SGCZ: variants seen among roughly 807,000 people sequenced by gnomAD.
The protein encoded by SGCZ is sarcoglycan zeta, also known as zeta-sarcoglycan.
In SGCZ, 40 loss-of-function variants were observed where a neutral mutation model predicts 41.3. The observed-to-expected ratio is 0.97, with a 90% CI of 0.75 to 1.26. SGCZ has a LOEUF of 1.26. Among genes scored for constraint, SGCZ ranks in the 50% most tolerant of loss-of-function variants. The probability of loss-of-function intolerance (pLI) is 0.00; values close to 1 mark genes in which losing one functional copy is unlikely to be tolerated. For synonymous variants in SGCZ, 206 were observed against 137.5 expected (o/e 1.50, Z -3.49); for missense variants, 552 against 369.8 (o/e 1.49, Z -4.04).
chr8:14,436,893 TAG>T (rs1031677757), intron 2 of SGCZ, among the ~76,000 whole-genome samples: 2 of 152,190 alleles, frequency 1.3e-5, no homozygotes, highest in African/African-American at 2.4e-5. Context: ...GGGATTTTAT[TAG>T]AAATTTTCTA....
chr8:15,166,598 T>C (rs1012993522), intron 1 of SGCZ, among the ~76,000 whole-genome samples: 2 of 152,172 alleles, frequency 1.3e-5, no homozygotes, highest in Non-Finnish European at 2.9e-5. Context: ...CTAATATATA[T>C]TGCAAACTTA....
At chr8:15,000,181 G>A (rs1033954322) in intron 1 of SGCZ, among the ~76,000 whole-genome samples, 2 of 152,146 alleles carry the variant, frequency 1.3e-5, no homozygotes, top group African/African-American at 4.8e-5. Flanking sequence ...TCCAAGTCAA[G>A]GAGAGAGTCC....
At chr8:15,126,807 A>T (rs1413266568) in intron 1 of SGCZ, among the ~76,000 whole-genome samples, 2 of 152,046 alleles carry the variant, frequency 1.3e-5, no homozygotes, top group African/African-American at 2.4e-5. Flanking sequence ...ATGGGGGAGA[A>T]AAGTGGGAGA....
At chr8:15,077,132 A>G (rs1242731644) in intron 1 of SGCZ, among the ~76,000 whole-genome samples, 2 of 152,168 alleles carry the variant, frequency 1.3e-5, no homozygotes, top group Admixed American at 6.6e-5. Flanking sequence ...TTTTTCATGA[A>G]TAACAGAAAA....
intron 1 of SGCZ, among the ~76,000 whole-genome samples, chr8:14,643,008 T>C (rs1807078881): frequency 1.3e-5 from 2 of 151,624 alleles, no homozygotes; most frequent in Admixed American, 6.6e-5. Context: ...TAGTATTTTT[T>C]AAATGAATAT....
chr8:14,714,856 C>G (rs1328886192), intron 1 of SGCZ, among the ~76,000 whole-genome samples: 3 of 151,840 alleles, frequency 2.0e-5, no homozygotes, highest in Non-Finnish European at 4.4e-5. Flanking sequence ...GGAAAACTTA[C>G]CAGGGAATGC....
At chr8:15,167,705 G>A (rs1047840249) in intron 1 of SGCZ, among the ~76,000 whole-genome samples, 8 of 151,926 alleles carry the variant, frequency 5.3e-5, no homozygotes, top group Non-Finnish European at 1.0e-4. Flanking sequence ...TCTAGAGAGA[G>A]GCAAATTATA....
At chr8:14,885,129 A>G (rs973655272) in intron 1 of SGCZ, among the ~76,000 whole-genome samples, 1 of 152,128 alleles carries the variant, frequency 6.6e-6, no homozygotes, top group Admixed American at 6.5e-5. Context: ...TTCACAACCA[A>G]AGTCTCTCTG....
intron 3 of SGCZ, among the ~76,000 whole-genome samples, chr8:14,265,137 A>G (rs1799827606): frequency 6.6e-6 from 1 of 152,202 alleles, no homozygotes; most frequent in South Asian, 2.1e-4. Context: ...GACCAACCCT[A>G]AAGTGATGGA....
intron 1 of SGCZ, among the ~76,000 whole-genome samples, chr8:15,030,562 GA>G (rs576080337): frequency 1.3e-4 from 20 of 151,962 alleles, no homozygotes; most frequent in African/African-American, 3.6e-4. Context: ...TGTAAATGCA[GA>G]AAAAAAATGT....
chr8:14,353,130 C>A (rs115059921), intron 2 of SGCZ, among the ~76,000 whole-genome samples: 1 of 151,900 alleles, frequency 6.6e-6, no homozygotes, highest in East Asian at 1.9e-4. Flanking sequence ...GGGCAAGTTA[C>A]CCAACTTCTC....
intron 1 of SGCZ, among the ~76,000 whole-genome samples, chr8:14,602,231 G>A (rs1408129256): frequency 6.6e-6 from 1 of 152,044 alleles, no homozygotes; most frequent in Admixed American, 6.6e-5. Context: ...CATACAGCTG[G>A]GGTTTTAAAA....
At chr8:14,125,994 A>C (rs1802843498) in intron 5 of SGCZ, among the ~76,000 whole-genome samples, 1 of 152,234 alleles carries the variant, frequency 6.6e-6, no homozygotes, top group Non-Finnish European at 1.5e-5. Flanking sequence ...TAGATTAAAG[A>C]CATAAATGTA....
At chr8:14,228,321 G>T (rs911583559) in intron 4 of SGCZ, among the ~76,000 whole-genome samples, 32 of 151,910 alleles carry the variant, frequency 2.1e-4, no homozygotes, top group African/African-American at 7.5e-4. Flanking sequence ...TTTCAGATAA[G>T]GTATGTAGTC....
At chr8:14,192,683 T>C (rs945666310) in intron 4 of SGCZ, among the ~76,000 whole-genome samples, 12 of 152,044 alleles carry the variant, frequency 7.9e-5, no homozygotes, top group Non-Finnish European at 1.6e-4. Flanking sequence ...TTGAAGTAGT[T>C]TCTCAATATT....
chr8:14,901,340 G>T (rs1215372071), intron 1 of SGCZ, among the ~76,000 whole-genome samples: 4 of 152,150 alleles, frequency 2.6e-5, no homozygotes, highest in Non-Finnish European at 4.4e-5. Flanking sequence ...CATGGGAGTA[G>T]CTCCCAAACA....
intron 1 of SGCZ, among the ~76,000 whole-genome samples, chr8:14,821,567 C>A (rs995675271): frequency 6.6e-6 from 1 of 151,844 alleles, no homozygotes; most frequent in Non-Finnish European, 1.5e-5. Flanking sequence ...AAATTATCAG[C>A]AAGATATTAG....
intron 1 of SGCZ, among the ~76,000 whole-genome samples, chr8:14,998,880 G>T (rs1188980854): frequency 6.6e-6 from 1 of 152,148 alleles, no homozygotes; most frequent in Non-Finnish European, 1.5e-5. Flanking sequence ...ATTGATATGG[G>T]TTACTGAGCC....
intron 2 of SGCZ, among the ~76,000 whole-genome samples, chr8:14,484,120 C>T (rs556864081): frequency 7.2e-5 from 11 of 152,270 alleles, no homozygotes; most frequent in African/African-American, 2.2e-4. Context: ...TCAATTATTA[C>T]AGCAAGTTAT....
Sources: gnomAD v4.1 joint callset for allele counts (sites outside exome capture counted in the v4.1 genomes callset) on GRCh38, gnomAD v4.1.1 for gene constraint, MANE v1.5 for transcripts, NCBI Gene and HGNC (gene_info 2026-07-23, HGNC 2026-07-21) for gene names.